The following GPR158 variants were observed in gnomAD, a reference collection of about 807,000 sequenced individuals.
GPR158 encodes metabotropic glycine receptor.
Under a neutral mutation model 78.2 loss-of-function variants are expected in GPR158, and 30 were observed. The ratio of observed to expected loss-of-function variants is 0.38; its 90% CI spans 0.29 to 0.52. The LOEUF (loss-of-function observed/expected upper bound fraction) is 0.52, where lower values mean the gene tolerates loss of function less well. Among genes scored for constraint, GPR158 ranks in the 20% least tolerant of loss-of-function variants. The pLI is 0.83. For synonymous variants in GPR158, 581 were observed against 591.1 expected (o/e 0.98, Z 0.25); for missense variants, 1,463 against 1,523.5 (o/e 0.96, Z 0.66).
chr10:25,241,284 C>CCTTTCTTTTCTTTTCTTTTCTTTTCT (rs1195195853), intron 2 of GPR158, among the ~76,000 whole-genome samples: 1 of 109,008 alleles, frequency 9.2e-6, no homozygotes, highest in East Asian at 2.6e-4. Flanking sequence ...TTCTTTCTTT[C>CCTTTCTTTTCTTTTCTTTTCTTTTCT]TTTTCTTTTC....
intron 2 of GPR158, among the ~76,000 whole-genome samples, chr10:25,233,783 G>A (rs1397735481): frequency 6.6e-6 from 1 of 152,134 alleles, no homozygotes; most frequent in Non-Finnish European, 1.5e-5. Flanking sequence ...GTATCCCGAG[G>A]TTATACAAGA....
At chr10:25,410,445 G>C (rs1335712260) in intron 3 of GPR158, among the ~76,000 whole-genome samples, 9 of 152,160 alleles carry the variant, frequency 5.9e-5, no homozygotes, top group African/African-American at 1.9e-4. Context: ...GTGAAACCCT[G>C]TCTCTACTAA....
At chr10:25,278,881 C>T (rs1239193424) in intron 2 of GPR158, among the ~76,000 whole-genome samples, 1 of 151,700 alleles carries the variant, frequency 6.6e-6, no homozygotes, top group Non-Finnish European at 1.5e-5. Flanking sequence ...ATTAAAAGTA[C>T]TTCATAAAGA....
At chr10:25,230,932 T>A (rs1239758061) in intron 2 of GPR158, among the ~76,000 whole-genome samples, 2 of 152,172 alleles carry the variant, frequency 1.3e-5, no homozygotes, top group Non-Finnish European at 2.9e-5. Flanking sequence ...CGATATTGGC[T>A]ATATGTTTGG....
At chr10:25,548,829 G>A (rs1044535209) in intron 5 of GPR158, among the ~76,000 whole-genome samples, 1 of 152,102 alleles carries the variant, frequency 6.6e-6, no homozygotes, top group African/African-American at 2.4e-5. Flanking sequence ...CACCATGGAT[G>A]CTGAAAAATA....
intron 7 of GPR158, among the ~76,000 whole-genome samples, chr10:25,577,286 A>G (rs1837115230): frequency 6.6e-6 from 1 of 152,150 alleles, no homozygotes; most frequent in Non-Finnish European, 1.5e-5. Context: ...ACTGAACACT[A>G]AATTATTTCC....
intron 2 of GPR158, among the ~76,000 whole-genome samples, chr10:25,278,560 A>G (rs1255681207): frequency 6.6e-6 from 1 of 152,038 alleles, no homozygotes; most frequent in Non-Finnish European, 1.5e-5. Context: ...ATTCTTAGAT[A>G]AAGTGCTGAG....
intron 7 of GPR158, among the ~76,000 whole-genome samples, chr10:25,575,417 G>A (rs181388723): frequency 6.6e-6 from 1 of 152,142 alleles, no homozygotes; most frequent in East Asian, 1.9e-4. Flanking sequence ...GAGAAAGAGC[G>A]GCTCTCAAAG....
intron 9 of GPR158, among the ~76,000 whole-genome samples, chr10:25,595,370 T>A (rs1588928699): frequency 6.6e-6 from 1 of 152,358 alleles, no homozygotes; most frequent in Middle Eastern, 3.4e-3. Context: ...ATGATTACAC[T>A]TTTATTAGAT....
intron 4 of GPR158, among the ~76,000 whole-genome samples, chr10:25,415,968 T>A (rs1834653015): frequency 6.6e-6 from 1 of 152,118 alleles, no homozygotes; most frequent in South Asian, 2.1e-4. Flanking sequence ...AACTACTGGA[T>A]TATATACTTT....
intron 5 of GPR158, among the ~76,000 whole-genome samples, chr10:25,522,954 G>T (rs1836298375): frequency 6.6e-6 from 1 of 152,074 alleles, no homozygotes; most frequent in African/African-American, 2.4e-5. Context: ...CTTAAAAAAA[G>T]TAAAATTGTA....
intron 1 of GPR158, among the ~76,000 whole-genome samples, chr10:25,188,640 G>T (rs2130638671): frequency 6.6e-6 from 1 of 152,258 alleles, no homozygotes; most frequent in South Asian, 2.1e-4. Flanking sequence ...ATTCAAGATG[G>T]ATTGAAGACT....
intron 1 of GPR158, among the ~76,000 whole-genome samples, chr10:25,187,584 C>T (rs547681583): frequency 2.7e-5 from 4 of 149,940 alleles, no homozygotes; most frequent in East Asian, 2.0e-4. Context: ...ATTCAACAGC[C>T]CTTCATGCTA....
intron 5 of GPR158, among the ~76,000 whole-genome samples, chr10:25,537,463 G>A (rs983245506): frequency 2.0e-5 from 3 of 152,064 alleles, no homozygotes; most frequent in African/African-American, 7.2e-5. Context: ...CAGAACATGT[G>A]TAAGATACTG....
intron 2 of GPR158, among the ~76,000 whole-genome samples, chr10:25,229,459 G>T (rs1853419714): frequency 6.6e-6 from 1 of 152,110 alleles, no homozygotes; most frequent in Admixed American, 6.5e-5. Flanking sequence ...CACTAACGAT[G>T]GCTGCAACTA....
chr10:25,417,092 C>G (rs1015406974), intron 4 of GPR158, among the ~76,000 whole-genome samples: 7 of 152,048 alleles, frequency 4.6e-5, no homozygotes, highest in African/African-American at 1.7e-4. Flanking sequence ...AGATGAAATT[C>G]AAATATTCCT....
intron 4 of GPR158, among the ~76,000 whole-genome samples, chr10:25,433,998 AAAT>A (rs1834961459): frequency 6.6e-6 from 1 of 152,012 alleles, no homozygotes; most frequent in Non-Finnish European, 1.5e-5. Context: ...TCTCTACTAA[AAAT>A]AAAAAAAATT....
chr10:25,286,788 A>G (rs943098492), intron 2 of GPR158, among the ~76,000 whole-genome samples: 9 of 151,820 alleles, frequency 5.9e-5, no homozygotes, highest in Non-Finnish European at 1.3e-4. Context: ...TGGTTTTGGG[A>G]TTGTTGCTAT....
chr10:25,498,711 T>G (rs1258391618), intron 5 of GPR158, among the ~76,000 whole-genome samples: 2 of 152,180 alleles, frequency 1.3e-5, no homozygotes, highest in Non-Finnish European at 2.9e-5. Context: ...ATATGACTAA[T>G]AATCCTCCCA....
Sources: allele counts gnomAD v4.1 joint callset (sites outside exome capture counted in the v4.1 genomes callset), GRCh38; gene constraint gnomAD v4.1.1; transcripts MANE v1.5; gene names NCBI Gene and HGNC (gene_info 2026-07-23, HGNC 2026-07-21).